UCHL5: variants seen among roughly 807,000 people sequenced by gnomAD.
UCHL5 encodes ubiquitin C-terminal hydrolase L5.
In UCHL5, 34 loss-of-function variants were observed where a neutral mutation model predicts 53.8. The ratio of observed to expected loss-of-function variants is 0.63; its 90% confidence interval spans 0.48 to 0.84. UCHL5 has a LOEUF of 0.84. UCHL5 is among the 40% of genes least tolerant of loss of function. UCHL5 has a pLI of 0.00. For missense variants in UCHL5, 290 were observed against 385.6 expected (o/e 0.75, Z 2.08); for synonymous variants, 111 against 126.3 (o/e 0.88, Z 0.81).
rs1654818240 is a variant in UCHL5, at chr1:193,015,857, A to G, written c.*494T>C. 1 of 152,380 alleles carries G rather than the reference A, an allele frequency of 6.6e-6. No homozygotes were observed. Among genetic ancestry groups the G allele is most frequent in the Non-Finnish European group, 1.5e-5 (1 of 68,156 alleles). The allele number at this position is 152,380 out of a possible 1,614,324, so 9.4% of individuals were successfully genotyped here. On this transcript the variant is annotated 3_prime_UTR_variant, in exon 11 of 11. Transcript: ENST00000367454. ...TGTCCTTTTTAAATGATTTACATTA[A>G]AATCATACTTTCTCAAATAACTGGT...
At chr1:193,056,072 G>A (rs1670542197) in intron 1 of UCHL5, among the ~76,000 whole-genome samples, 1 of 152,014 alleles carries the variant, frequency 6.6e-6, no homozygotes, top group South Asian at 2.1e-4. Flanking sequence ...ATAAACACAG[G>A]GCATATACTG....
At chr1:193,055,988 G>A (rs1290349470) in intron 1 of UCHL5, among the ~76,000 whole-genome samples, 2 of 152,038 alleles carry the variant, frequency 1.3e-5, no homozygotes, top group Non-Finnish European at 2.9e-5. Context: ...ATATTTGATA[G>A]AATTTACCAG....
In UCHL5 at chr1:193,019,860, T is replaced by C. The variant is rs796914131; in HGVS notation, c.942+1237A>G. The C allele has an allele frequency of 3.9e-5, 37 of 954,520 alleles. 1 individual carries two copies. The African/African-American group carries it at 6.2e-4, about 16-fold the overall frequency. The allele number at this position is 954,520 out of a possible 1,614,324, so 59.1% of individuals were successfully genotyped here. On this transcript the variant is annotated intron_variant, in intron 10 of 10. Coordinates refer to ENST00000367454, the MANE Select transcript of UCHL5 (RefSeq NM_001199261.3). ...ACATTTAATATTTATCTAAGGGTCC[T>C]AGTCCCTAGTAACATTTATCTAACT...
At chr1:193,022,619 T>C (rs974168543) in intron 9 of UCHL5, among the ~76,000 whole-genome samples, 6 of 148,990 alleles carry the variant, frequency 4.0e-5, no homozygotes, top group Admixed American at 2.7e-4. Flanking sequence ...TGAGCCAAGA[T>C]TGCACCACTG....
chr1:193,047,962 A>C (rs896575910), intron 3 of UCHL5, among the ~76,000 whole-genome samples: 41 of 147,750 alleles, frequency 2.8e-4, no homozygotes, highest in African/African-American at 1.0e-3. Flanking sequence ...AGTAAAACTT[A>C]TTTTTATCAA....
At chr1:193,019,823 T>C (rs1246438045) in intron 10 of UCHL5, 3 of 936,032 alleles carry the variant, frequency 3.2e-6, no homozygotes, top group Admixed American at 6.2e-5. Flanking sequence ...TCAATTTTAA[T>C]GCAAAATTTA....
chr1:193,024,044 T>A (rs1571510030), intron 7 of UCHL5, 98 bp from the exon 8 acceptor site: 2 of 869,820 alleles, frequency 2.3e-6, no homozygotes, highest in African/African-American at 1.8e-5. Context: ...TTTTCTAGTA[T>A]AAACAAAAGT....
chr1:193,059,985 C>A (rs531042176), upstream of UCHL5: 3 of 1,366,132 alleles, frequency 2.2e-6, no homozygotes, highest in Admixed American at 1.9e-5. This position sits in a 1 kb window ranked among gnomAD's most constrained non-coding sequence, Gnocchi z 4.9. Flanking sequence ...CCTCGCTAGG[C>A]CCGGCCGGAC....
chr1:193,021,289 A>C, intron 9 of UCHL5, 94 bp from the exon 10 acceptor site: 1 of 729,930 alleles, frequency 1.4e-6, no homozygotes, highest in Admixed American at 2.7e-5. Flanking sequence ...TGGTATATCC[A>C]TTCTCATAAG....
intron 1 of UCHL5, among the ~76,000 whole-genome samples, chr1:193,055,612 A>T (rs1571961138): frequency 6.6e-6 from 1 of 152,204 alleles, no homozygotes; most frequent in East Asian, 1.9e-4. Flanking sequence ...CAGATGTTAG[A>T]TTTTGTCAAA....
intron 10 of UCHL5, chr1:193,019,943 A>T: frequency 1.0e-6 from 1 of 980,642 alleles, no homozygotes; most frequent in Non-Finnish European, 1.2e-6. Context: ...TATTTTTAAC[A>T]GAAAAACATT....
At chr1:193,051,489 A>G (rs72740209) in intron 2 of UCHL5, among the ~76,000 whole-genome samples, 8,615 of 151,382 alleles carry the variant, frequency 0.057, 341 homozygotes, top group Non-Finnish European at 0.088. Flanking sequence ...AAAAAAAAAA[A>G]AAAAAAAATC....
At chr1:193,018,341 C>T (rs921884615) in intron 10 of UCHL5, 7 of 274,706 alleles carry the variant, frequency 2.5e-5, no homozygotes, top group African/African-American at 4.6e-5. Flanking sequence ...TAATTACATA[C>T]AAATGTGTAG....
chr1:193,059,931 C>T (rs1277071922), upstream of UCHL5: 1 of 1,366,320 alleles, frequency 7.3e-7, no homozygotes, highest in Non-Finnish European at 9.8e-7. This position sits in a 1 kb window ranked among gnomAD's most constrained non-coding sequence, Gnocchi z 4.9. Flanking sequence ...CGCTTCCGCG[C>T]CTGTCCACCC....
intron 10 of UCHL5, chr1:193,020,567 T>C: frequency 1.0e-5 from 12 of 1,189,716 alleles, no homozygotes; most frequent in Non-Finnish European, 1.3e-5. Flanking sequence ...ATTTTACTTA[T>C]TCAACAAATA....
At chr1:193,034,039 C>A (rs552606546) in intron 3 of UCHL5, among the ~76,000 whole-genome samples, 1 of 152,064 alleles carries the variant, frequency 6.6e-6, no homozygotes, top group East Asian at 1.9e-4. Context: ...TAGGAGTTTA[C>A]CCAAAGAGTA....
chr1:193,022,926 C>T lies in UCHL5; in HGVS notation c.843G>A (p.Lys281=). ...AAGGAACACATTTTTAAAAACATAC[C>T]TTGTATCTTTTTAATTTCTGTACTT... The part of the protein sequence containing the change: ...EEEVQKLKRY[K]IENIRRKHNY... Residue 281 remains lysine, a splice_region_variant and synonymous_variant, in exon 9 of 11, where the codon AAG becomes AAA. Transcript: ENST00000367454. The T allele has an allele frequency of 1.3e-6, 2 of 1,594,414 alleles. No homozygotes were observed. Among genetic ancestry groups the T allele is most frequent in the Non-Finnish European group, 1.7e-6 (2 of 1,163,404 alleles).
chr1:193,038,939 T>C (rs1041460520), intron 3 of UCHL5, among the ~76,000 whole-genome samples: 10 of 152,022 alleles, frequency 6.6e-5, no homozygotes. Context: ...AAGGTTATAG[T>C]GAGCTATGAT....
intron 9 of UCHL5, 93 bp downstream of exon 9, chr1:193,022,833 G>C: frequency 2.5e-6 from 2 of 801,968 alleles, no homozygotes; most frequent in East Asian, 2.6e-5. Flanking sequence ...GTAAATGATA[G>C]GAGGGAAAGC....
Sources: allele counts gnomAD v4.1 joint callset (sites outside exome capture counted in the v4.1 genomes callset), GRCh38; gene constraint gnomAD v4.1.1; non-coding constraint Gnocchi (gnomAD v3.1); transcripts MANE v1.5; gene names NCBI Gene and HGNC (gene_info 2026-07-23, HGNC 2026-07-21).